Variants in DPYD observed in about 807,000 individuals in gnomAD.
The protein encoded by DPYD is dihydropyrimidine dehydrogenase [NADP(+)].
A neutral mutation model predicts 116.2 loss-of-function variants in DPYD; 109 were observed. The ratio of observed to expected loss-of-function variants is 0.94; its 90% CI spans 0.80 to 1.10. DPYD has a LOEUF of 1.10. Among genes scored for constraint, DPYD ranks in the 50% least tolerant of loss-of-function variants. The probability of loss-of-function intolerance (pLI) is 0.00; values close to 1 mark genes in which losing one functional copy is unlikely to be tolerated. For synonymous variants in DPYD, 440 were observed against 432.0 expected, an observed-to-expected ratio of 1.02 and a Z score of -0.23; for missense variants, 1,302 against 1,254.5, an observed-to-expected ratio of 1.04 and a Z score of -0.57.
chr1:97,717,184 A>T (rs1413247369), intron 5 of DPYD, among the ~76,000 whole-genome samples: 1 of 152,112 alleles, frequency 6.6e-6, no homozygotes, highest in Non-Finnish European at 1.5e-5. Context: ...GTAGTTAATT[A>T]TTTATTGTAT....
chr1:97,276,329 C>T (rs1483772280), intron 18 of DPYD, among the ~76,000 whole-genome samples: 1 of 152,094 alleles, frequency 6.6e-6, no homozygotes, highest in Non-Finnish European at 1.5e-5. Flanking sequence ...TAAATAGCTT[C>T]AGCACAGCAA....
chr1:97,184,209 T>C (rs1319443139), intron 20 of DPYD, among the ~76,000 whole-genome samples: 2 of 152,164 alleles, frequency 1.3e-5, no homozygotes, highest in Non-Finnish European at 2.9e-5. Flanking sequence ...CTATTGTGAA[T>C]AGTGCTGCAA....
chr1:97,110,476 T>C (rs915688014), intron 20 of DPYD, among the ~76,000 whole-genome samples: 2 of 152,106 alleles, frequency 1.3e-5, no homozygotes, highest in Admixed American at 6.6e-5. Context: ...TCTGTCATTT[T>C]TATCTTTGAC....
intron 8 of DPYD, among the ~76,000 whole-genome samples, chr1:97,668,102 T>C (rs1659661785): frequency 6.6e-6 from 1 of 152,158 alleles, no homozygotes; most frequent in Non-Finnish European, 1.5e-5. Flanking sequence ...TGCACAACGA[T>C]GTGAATGTAC....
intron 12 of DPYD, among the ~76,000 whole-genome samples, chr1:97,542,429 C>T (rs1171425907): frequency 3.9e-5 from 6 of 152,048 alleles, no homozygotes. Flanking sequence ...GTCTGGGTAC[C>T]CCTCATGGAG....
intron 4 of DPYD, among the ~76,000 whole-genome samples, chr1:97,737,579 A>T (rs1664030259): frequency 6.6e-6 from 1 of 152,140 alleles, no homozygotes; most frequent in Non-Finnish European, 1.5e-5. Flanking sequence ...TCTGGAAATG[A>T]TCAATATTTT....
intron 13 of DPYD, among the ~76,000 whole-genome samples, chr1:97,460,608 C>G (rs1028186210): frequency 1.3e-5 from 2 of 152,176 alleles, no homozygotes; most frequent in African/African-American, 2.4e-5. Flanking sequence ...CTTGTTCTTT[C>G]TTTCCTGAAG....
intron 20 of DPYD, among the ~76,000 whole-genome samples, chr1:97,144,366 C>T (rs1434638981): frequency 6.6e-6 from 1 of 152,144 alleles, no homozygotes; most frequent in Non-Finnish European, 1.5e-5. Context: ...GGTAAAATTA[C>T]AGTCCCCAAA....
At position 97,318,308 on chromosome 1, in the gene DPYD, C is replaced by T. The variant is rs540317748; in HGVS notation, c.2059-12011G>A. Among the ~76,000 whole-genome samples, 62 of 122,438 alleles carry T rather than the reference C, an allele frequency of 5.1e-4. 2 individuals are homozygous for T. The highest frequency in any genetic ancestry group is 9.9e-4 in the Non-Finnish European group (53 of 53,572). The allele number at this position is 122,438 out of a possible 152,430, so 80.3% of individuals were successfully genotyped here. On this transcript the variant is annotated intron_variant, in intron 16 of 22. Transcript: ENST00000370192. ...GGCAAGTTGGATAAAGAGTCAAGAC[C>T]CATTAGTGTGCTGTATTCAGGAAAC...
chr1:97,460,012 T>G (rs1676927637), intron 13 of DPYD, among the ~76,000 whole-genome samples: 1 of 152,112 alleles, frequency 6.6e-6, no homozygotes, highest in African/African-American at 2.4e-5. Flanking sequence ...ACAAACAGAA[T>G]CAAAGGTACA....
intron 20 of DPYD, among the ~76,000 whole-genome samples, chr1:97,170,667 T>G (rs1185880299): frequency 6.6e-6 from 1 of 151,576 alleles, no homozygotes; most frequent in Non-Finnish European, 1.5e-5. Context: ...AAATACTTTC[T>G]TCTTTCCATT....
chr1:97,612,328 C>T (rs925365212), intron 8 of DPYD, among the ~76,000 whole-genome samples: 1 of 151,948 alleles, frequency 6.6e-6, no homozygotes, highest in African/African-American at 2.4e-5. Context: ...AATGTTGGTG[C>T]ATGCCTAATG....
chr1:97,225,563 T>A (rs885621), intron 19 of DPYD, among the ~76,000 whole-genome samples: 1 of 148,616 alleles, frequency 6.7e-6, no homozygotes, highest in South Asian at 2.1e-4. Flanking sequence ...TCAGGTTGTT[T>A]TTTTTTTTTT....
At chr1:97,449,502 A>G (rs1430516025) in intron 14 of DPYD, among the ~76,000 whole-genome samples, 1 of 152,148 alleles carries the variant, frequency 6.6e-6, no homozygotes, top group Non-Finnish European at 1.5e-5. Context: ...AGACTATTGA[A>G]GAGAAAATAT....
chr1:97,593,091 G>T, intron 10 of DPYD, 127 bp downstream of exon 10: 1 of 1,092,208 alleles, frequency 9.2e-7, no homozygotes, highest in South Asian at 1.4e-5. Flanking sequence ...AAACAATTAT[G>T]TGTAGCCCTG....
intron 21 of DPYD, among the ~76,000 whole-genome samples, chr1:97,096,517 A>G (rs1275658330): frequency 1.3e-5 from 2 of 152,160 alleles, no homozygotes; most frequent in Admixed American, 1.3e-4. Context: ...TCCTGGGTCC[A>G]GTGGGACTTG....
At chr1:97,136,782 G>T (rs980416127) in intron 20 of DPYD, among the ~76,000 whole-genome samples, 4 of 152,234 alleles carry the variant, frequency 2.6e-5, no homozygotes, top group African/African-American at 9.6e-5. Flanking sequence ...AAGAAGGCAA[G>T]AACGCAAATT....
At chr1:97,403,095 G>A (rs1673459776) in intron 14 of DPYD, among the ~76,000 whole-genome samples, 1 of 151,990 alleles carries the variant, frequency 6.6e-6, no homozygotes, top group Non-Finnish European at 1.5e-5. Flanking sequence ...TGCTGTCAGT[G>A]CAATTATTAG....
intron 20 of DPYD, among the ~76,000 whole-genome samples, chr1:97,141,391 T>C (rs549342850): frequency 6.6e-6 from 1 of 152,208 alleles, no homozygotes; most frequent in African/African-American, 2.4e-5. Context: ...CCAGACACCC[T>C]ACTCTTGGCT....
Sources: gnomAD v4.1 joint callset for allele counts (sites outside exome capture counted in the v4.1 genomes callset) on GRCh38, gnomAD v4.1.1 for gene constraint, MANE v1.5 for transcripts, NCBI Gene and HGNC (gene_info 2026-07-23, HGNC 2026-07-21) for gene names.